Variants in WSCD2 observed in about 807,000 individuals in gnomAD.
WSCD2 encodes WSC domain sialate O sulfotransferase 2.
WSCD2 carries 28 observed loss-of-function variants against 55.7 expected under a neutral mutation model. The ratio of observed to expected loss-of-function variants is 0.50; its 90% CI spans 0.37 to 0.69. The LOEUF is 0.69. Among genes scored for constraint, WSCD2 ranks in the 30% least tolerant of loss-of-function variants. The pLI, the probability that WSCD2 is intolerant of heterozygous loss-of-function variation, is 0.00. For missense variants in WSCD2, 616 were observed against 762.1 expected, an observed-to-expected ratio of 0.81 and a Z score of 2.26; for synonymous variants, 301 against 301.9, an observed-to-expected ratio of 1.00 and a Z score of 0.03.
At chr12:108,201,833 A>G (rs1237653071) in intron 2 of WSCD2, among the ~76,000 whole-genome samples, 1 of 152,194 alleles carries the variant, frequency 6.6e-6, no homozygotes, top group African/African-American at 2.4e-5. Context: ...GTAGCAAAAG[A>G]AAAAAGTAAA....
At chr12:108,228,745 T>C (rs1329817055) in intron 6 of WSCD2, among the ~76,000 whole-genome samples, 1 of 152,220 alleles carries the variant, frequency 6.6e-6, no homozygotes, top group African/African-American at 2.4e-5. Flanking sequence ...GCCCCACCAA[T>C]AGCCTGTCCC....
intron 1 of WSCD2, among the ~76,000 whole-genome samples, chr12:108,193,900 A>G (rs181766484): frequency 1.3e-5 from 2 of 152,298 alleles, no homozygotes; most frequent in Admixed American, 1.3e-4. Flanking sequence ...AATAAATGGG[A>G]TGGCAGACTC....
chr12:108,173,810 C>CTCTCTGTGTGTGTGTGTGTGTGTGTG (rs376999073), intron 1 of WSCD2, among the ~76,000 whole-genome samples: 1 of 131,144 alleles, frequency 7.6e-6, no homozygotes, highest in African/African-American at 3.1e-5. Context: ...TCCTGGCTCT[C>CTCTCTGTGTGTGTGTGTGTGTGTGTG]TGTGTGTGTG....
chr12:108,134,959 A>G (rs1288652737), intron 1 of WSCD2, among the ~76,000 whole-genome samples: 1 of 152,114 alleles, frequency 6.6e-6, no homozygotes, highest in Non-Finnish European at 1.5e-5. Flanking sequence ...ATGATGTCAT[A>G]TTGCCTCCCA....
rs150087989 is a variant in WSCD2, at chr12:108,138,672, C to T, written c.-552+8746C>T. On this transcript the variant is annotated intron_variant, in intron 1 of 8. Coordinates refer to ENST00000547525, the MANE Select transcript of WSCD2 (RefSeq NM_014653.4). Reference sequence around the variant, plus strand: ...TGTCTGTGGGCATCTGTTCAGGACTCATGATGAATCAGTCATTTTCTGCCT... The same window carrying T: ...TGTCTGTGGGCATCTGTTCAGGACTTATGATGAATCAGTCATTTTCTGCCT... Among the ~76,000 whole-genome samples the T allele has an allele frequency of 9.8e-5, 15 of 152,350 alleles. No individual in the cohort carries two copies. In the East Asian group the frequency reaches 2.9e-3, roughly 29 times the overall value.
intron 1 of WSCD2, among the ~76,000 whole-genome samples, chr12:108,157,657 C>T (rs953250617): frequency 6.6e-6 from 1 of 152,172 alleles, no homozygotes; most frequent in African/African-American, 2.4e-5. Context: ...TTCCAAGCAA[C>T]CACAGGCTGG....
In WSCD2 at chr12:108,193,412, T is replaced by C. The variant is rs117146896; in HGVS notation, c.-551-1870T>C. ...CATAGTAGGCAATCAGCATATGTTT[T>C]TAAATAAATGGAAGAATGAGTGGAT... On this transcript the variant is annotated intron_variant, in intron 1 of 8. Transcript: ENST00000547525. Among the ~76,000 whole-genome samples the C allele has an allele frequency of 4.7e-3, 723 of 152,340 alleles. 5 individuals carry two copies. Among genetic ancestry groups the C allele is most frequent in the Non-Finnish European group, 5.9e-3 (400 of 68,030 alleles).
rs930121522 is a variant in WSCD2 at position 108,249,338 on chromosome 12, C to G, written c.*995C>G. On this transcript the variant is annotated 3_prime_UTR_variant, in exon 9 of 9. Coordinates refer to ENST00000547525, the MANE Select transcript of WSCD2 (RefSeq NM_014653.4). ...ATGGACCCCCACTACCTTCCCAGAC[C>G]ATATATCTCCCCTTGATCATAGTCC... The G allele has an allele frequency of 6.6e-6, 1 of 152,578 alleles. No homozygotes were observed. The highest frequency in any genetic ancestry group is 2.1e-4 in the South Asian group (1 of 4,832). The allele number at this position is 152,578 out of a possible 1,614,324, so 9.5% of individuals were successfully genotyped here.
At chr12:108,152,697 C>T (rs928142547) in intron 1 of WSCD2, among the ~76,000 whole-genome samples, 17 of 152,174 alleles carry the variant, frequency 1.1e-4, no homozygotes, top group Non-Finnish European at 1.3e-4. Context: ...GAACAAGGAG[C>T]CCATGCCACA....
chr12:108,168,993 GCTCACATTACTGCCTGAGCTCTGC>G (rs1209171104), intron 1 of WSCD2, among the ~76,000 whole-genome samples: 2 of 152,182 alleles, frequency 1.3e-5, no homozygotes, highest in Non-Finnish European at 2.9e-5. Context: ...ACTCCTCATT[GCTCACATTACTGCCTGAGCTCTGC>G]CTCCTGTCAG....
chr12:108,159,936 C>G (rs1002619319), intron 1 of WSCD2, among the ~76,000 whole-genome samples: 5 of 152,190 alleles, frequency 3.3e-5, no homozygotes, highest in African/African-American at 1.2e-4. Context: ...CTGAGGTTTC[C>G]CCCTGTGCTG....
chr12:108,206,217 T>C (rs533564543), intron 2 of WSCD2, 72 bp from the exon 3 acceptor site: 47 of 1,266,942 alleles, frequency 3.7e-5, no homozygotes, highest in South Asian at 4.9e-5. Context: ...CAGAGACACA[T>C]TGGTGAGGCT....
chr12:108,144,250 G>A (rs114682326), intron 1 of WSCD2, among the ~76,000 whole-genome samples: 1,542 of 152,142 alleles, frequency 0.01, 24 homozygotes, highest in African/African-American at 0.036. Context: ...AAGACACACC[G>A]GCCCATTGTT....
intron 2 of WSCD2, among the ~76,000 whole-genome samples, chr12:108,199,869 G>A (rs928459736): frequency 5.3e-5 from 8 of 152,142 alleles, no homozygotes; most frequent in East Asian, 3.8e-4. Context: ...ACTACATCAC[G>A]TCACTTCTCA....
chr12:108,202,757 C>T (rs41314119), intron 2 of WSCD2, among the ~76,000 whole-genome samples: 10 of 152,272 alleles, frequency 6.6e-5, no homozygotes, highest in South Asian at 2.1e-4. Flanking sequence ...TTGGGTACTA[C>T]GCTTAATACC....
intron 4 of WSCD2, among the ~76,000 whole-genome samples, chr12:108,219,813 G>A (rs1372380548): frequency 3.3e-5 from 5 of 152,220 alleles, no homozygotes; most frequent in Admixed American, 2.0e-4. Context: ...AATACTGTCT[G>A]TAGCAACCCT....
At chr12:108,227,396 C>T (rs1386731761) in intron 6 of WSCD2, among the ~76,000 whole-genome samples, 1 of 152,196 alleles carries the variant, frequency 6.6e-6, no homozygotes, top group African/African-American at 2.4e-5. Context: ...CACTGAGGAC[C>T]CTTGGTGGCT....
At chr12:108,184,377 G>A (rs1882187785) in intron 1 of WSCD2, among the ~76,000 whole-genome samples, 1 of 152,194 alleles carries the variant, frequency 6.6e-6, no homozygotes, top group Non-Finnish European at 1.5e-5. Flanking sequence ...TTTGGGGGTG[G>A]GGATGGCAGT....
At chr12:108,176,789 G>A (rs1216051374) in intron 1 of WSCD2, among the ~76,000 whole-genome samples, 1 of 144,304 alleles carries the variant, frequency 6.9e-6, no homozygotes, top group Non-Finnish European at 1.5e-5. Flanking sequence ...CCAGCACTTG[G>A]GATTAGTTTT....
Sources: gnomAD v4.1 joint callset for allele counts (sites outside exome capture counted in the v4.1 genomes callset) on GRCh38, gnomAD v4.1.1 for gene constraint, MANE v1.5 for transcripts, NCBI Gene and HGNC (gene_info 2026-07-23, HGNC 2026-07-21) for gene names.